The following TOLLIP variants were observed in gnomAD, a reference collection of about 807,000 sequenced individuals.
TOLLIP encodes the protein toll-interacting protein.
A neutral mutation model predicts 33.5 loss-of-function variants in TOLLIP; 16 were observed. The observed-to-expected ratio is 0.48, with a 90% CI of 0.32 to 0.72. The LOEUF (loss-of-function observed/expected upper bound fraction) is 0.72. TOLLIP is among the 30% of genes least tolerant of loss of function. TOLLIP has a pLI of 0.03. For synonymous variants in TOLLIP, 176 were observed against 163.7 expected (o/e 1.07, Z -0.57); for missense variants, 325 against 396.6 (o/e 0.82, Z 1.53).
chr11:1,279,313 CT>C (rs1385800671), intron 5 of TOLLIP, among the ~76,000 whole-genome samples: 16 of 152,248 alleles, frequency 1.1e-4, no homozygotes, highest in Admixed American at 1.0e-3. Context: ...AGTGGCCTGG[CT>C]CACTCCCCTC....
intron 1 of TOLLIP, among the ~76,000 whole-genome samples, chr11:1,299,646 G>A (rs542613116): frequency 1.3e-5 from 2 of 152,286 alleles, no homozygotes; most frequent in East Asian, 3.9e-4. Context: ...ATACATAATG[G>A]ATATTTTTCT....
At chr11:1,282,886 T>C (rs1358203528) in intron 5 of TOLLIP, among the ~76,000 whole-genome samples, 5 of 151,696 alleles carry the variant, frequency 3.3e-5, no homozygotes, top group African/African-American at 1.2e-4. Flanking sequence ...TGGATACATA[T>C]GTAACAAACC....
intron 4 of TOLLIP, among the ~76,000 whole-genome samples, chr11:1,286,827 A>C (rs1018501560): frequency 2.0e-5 from 3 of 151,888 alleles, no homozygotes; most frequent in Admixed American, 6.6e-5. Context: ...AAGTCACTGC[A>C]CTGCTGTCGT....
intron 1 of TOLLIP, among the ~76,000 whole-genome samples, chr11:1,307,475 C>T (rs546218474): frequency 6.6e-6 from 1 of 152,360 alleles, no homozygotes; most frequent in African/African-American, 2.4e-5. Context: ...CCACTGCTCC[C>T]TGCCTGCTCA....
rs1863528465 is a variant in TOLLIP, at chr11:1,282,337, A to T, written c.610+3665T>A. Among the ~76,000 whole-genome samples, 5 of 152,274 alleles carry T rather than the reference A, an allele frequency of 3.3e-5. No homozygotes were observed. In the South Asian group the frequency reaches 1.0e-3, roughly 31 times the overall value. ...AAGGGATTCTGACCCAAGGAAAAAA[A>T]TAGGAAATTGTTTAGGAGAAATACC... On this transcript the variant is annotated intron_variant, in intron 5 of 5. Coordinates refer to ENST00000317204, the MANE Select transcript of TOLLIP (RefSeq NM_019009.4).
In TOLLIP at chr11:1,276,044, A is replaced by G. The variant is rs1863290089; in HGVS notation, c.*995T>C. 6.6e-6 allele frequency: 1 copy of G among 152,304 alleles called. No homozygotes were observed. The highest frequency in any genetic ancestry group is 2.4e-5 in the African/African-American group (1 of 41,466). 9.4% of individuals were successfully genotyped at this position (152,304 alleles called of 1,614,324 possible). A position where few individuals can be genotyped will look rare whatever the true frequency, so the allele number is the denominator to read the frequency against. ...ACGCAGCGCCCAGGCAGTCAGAGGT[A>G]AGTGAGCGCCTCCCGCCTCAGAAAG... On this transcript the variant is annotated 3_prime_UTR_variant, in exon 6 of 6. Transcript: ENST00000317204.
intron 1 of TOLLIP, among the ~76,000 whole-genome samples, chr11:1,300,681 T>A (rs1436765895): frequency 6.6e-6 from 1 of 152,236 alleles, no homozygotes; most frequent in East Asian, 1.9e-4. Flanking sequence ...GGCCACACTT[T>A]CTGCCTTGAC....
chr11:1,301,885 G>A (rs961020378), intron 1 of TOLLIP, among the ~76,000 whole-genome samples: 4 of 152,254 alleles, frequency 2.6e-5, no homozygotes, highest in African/African-American at 9.6e-5. Flanking sequence ...CTAGGGATAT[G>A]GGCGGAAGTC....
At chr11:1,292,061 G>T (rs1011477520) in intron 2 of TOLLIP, 2 of 152,256 alleles carry the variant, frequency 1.3e-5, no homozygotes, top group Admixed American at 1.3e-4. Context: ...TAATTTTAGC[G>T]TGTTTCTTGG....
At chr11:1,297,213 C>T (rs1201504743) in intron 1 of TOLLIP, among the ~76,000 whole-genome samples, 1 of 152,172 alleles carries the variant, frequency 6.6e-6, no homozygotes, top group Non-Finnish European at 1.5e-5. Flanking sequence ...CACCAGAAAC[C>T]CGTACCTGCC....
chr11:1,288,000 G>A (rs539408853), intron 4 of TOLLIP, among the ~76,000 whole-genome samples: 212 of 152,108 alleles, frequency 1.4e-3, no homozygotes, highest in African/African-American at 4.9e-3. Flanking sequence ...TGATACAGAC[G>A]AGACGGCAGG....
At position 1,278,002 on chromosome 11, in the gene TOLLIP, C is replaced by T. The variant is rs144249750; in HGVS notation, c.611-749G>A. 5.9e-5 allele frequency among the ~76,000 whole-genome samples: 9 copies of T among 152,324 alleles called. No homozygotes were observed. In the East Asian group the frequency reaches 1.7e-3, roughly 29 times the overall value. On this transcript the variant is annotated intron_variant, in intron 5 of 5. Coordinates refer to ENST00000317204, the MANE Select transcript of TOLLIP (RefSeq NM_019009.4). This position sits in a 1 kb window ranked among gnomAD's most constrained non-coding sequence, Gnocchi z 4.7. The stretch of plus-strand genomic sequence containing the variant: ...CCACCCCACAGCTACGCAGGCCCCT[C>T]GCCCCATGTCTGATGCGGGAGGACA...
intron 1 of TOLLIP, among the ~76,000 whole-genome samples, chr11:1,299,860 A>G (rs966587342): frequency 1.3e-5 from 2 of 152,308 alleles, no homozygotes; most frequent in South Asian, 4.1e-4. Context: ...CACCCAGCGC[A>G]TCGCCACGCG....
intron 1 of TOLLIP, among the ~76,000 whole-genome samples, chr11:1,301,219 G>A (rs1343258594): frequency 6.6e-6 from 1 of 152,226 alleles, no homozygotes; most frequent in Non-Finnish European, 1.5e-5. Flanking sequence ...TGCTTGATGT[G>A]AGAAAGTACC....
At chr11:1,285,076 G>A (rs962585132) in intron 5 of TOLLIP, among the ~76,000 whole-genome samples, 17 of 151,824 alleles carry the variant, frequency 1.1e-4, no homozygotes, top group African/African-American at 3.4e-4. Flanking sequence ...GCTCTGTCCC[G>A]CCCCAACCCC....
At chr11:1,279,707 T>C (rs1278061014) in intron 5 of TOLLIP, among the ~76,000 whole-genome samples, 3 of 152,224 alleles carry the variant, frequency 2.0e-5, no homozygotes, top group Admixed American at 6.5e-5. Flanking sequence ...CTGTCATATC[T>C]TGGCAAAATC....
intron 1 of TOLLIP, among the ~76,000 whole-genome samples, chr11:1,302,375 C>G (rs546181019): frequency 6.6e-6 from 1 of 152,380 alleles, no homozygotes; most frequent in East Asian, 1.9e-4. Flanking sequence ...GCACATGCCC[C>G]AGGCCTGCAC....
intron 5 of TOLLIP, chr11:1,283,433 G>A (rs1003062388): frequency 7.1e-6 from 3 of 420,616 alleles, no homozygotes; most frequent in Non-Finnish European, 1.4e-5. Context: ...TGGCCGTACT[G>A]TGCCAGGGAC....
At position 1,290,570 on chromosome 11, in the gene TOLLIP, G is replaced by C. The variant is rs895205552; in HGVS notation, c.184-161C>G. On this transcript the variant is annotated intron_variant, in intron 2 of 5. Coordinates refer to ENST00000317204, the MANE Select transcript of TOLLIP (RefSeq NM_019009.4). This position sits in a 1 kb window ranked among gnomAD's most constrained non-coding sequence, Gnocchi z 4.9. ...GAACACGGCTGTGACCTGCTTCCCA[G>C]GAGGCCAGGAGCAAGAAGAGTGAGC... Among the ~76,000 whole-genome samples, 5 of 152,186 alleles carry C rather than the reference G, an allele frequency of 3.3e-5. No individual in the cohort carries two copies. The highest frequency in any genetic ancestry group is 9.7e-5 in the African/African-American group (4 of 41,432).
Sources: allele counts gnomAD v4.1 joint callset (sites outside exome capture counted in the v4.1 genomes callset), GRCh38; gene constraint gnomAD v4.1.1; non-coding constraint Gnocchi (gnomAD v3.1); transcripts MANE v1.5; gene names NCBI Gene and HGNC (gene_info 2026-07-23, HGNC 2026-07-21).